RNF41: variants seen among roughly 807,000 people sequenced by gnomAD.
RNF41 encodes ring finger protein 41.
RNF41 carries 4 observed loss-of-function variants against 33.0 expected under a neutral mutation model. That is an observed-to-expected ratio of 0.12 (90% CI 0.06 to 0.28). The LOEUF is 0.28. RNF41 is among the 10% of genes least tolerant of loss of function. RNF41 has a pLI of 1.00. For missense variants in RNF41, 228 were observed against 432.6 expected (o/e 0.53, Z 4.19); for synonymous variants, 164 against 153.2 (o/e 1.07, Z -0.52).
intron 2 of RNF41, among the ~76,000 whole-genome samples, chr12:56,215,589 C>T (rs963257473): frequency 2.6e-5 from 4 of 150,954 alleles, no homozygotes; most frequent in African/African-American, 9.8e-5. Flanking sequence ...CGTGGTGGTG[C>T]GCACCTGTAG....
rs2135793571 is a variant in RNF41, at chr12:56,202,789, C to T, written c.*3658G>A. ...CTACATAAGCCTCCTCATGTTCACTCTAGTGAGTATCTCACAGGGCAGACA... is the reference window on the plus strand; with the variant it reads ...CTACATAAGCCTCCTCATGTTCACTTTAGTGAGTATCTCACAGGGCAGACA... On this transcript the variant is annotated 3_prime_UTR_variant, in exon 7 of 7. Coordinates refer to ENST00000345093, the MANE Select transcript of RNF41 (RefSeq NM_005785.4). The T allele has an allele frequency of 6.6e-6, 1 of 152,328 alleles. No homozygotes were observed. The highest frequency in any genetic ancestry group is 1.9e-4 in the East Asian group (1 of 5,190). 9.4% of individuals were successfully genotyped at this position (152,328 alleles called of 1,614,324 possible).
In RNF41 at chr12:56,206,564, G is replaced by C. The variant is rs371915480; in HGVS notation, c.837C>G (p.Arg279=). 54 of 1,614,068 alleles carry C rather than the reference G, an allele frequency of 3.3e-5. No homozygotes were observed. Among genetic ancestry groups the C allele is most frequent in the Non-Finnish European group, 4.5e-5 (53 of 1,180,044 alleles). Reference sequence around the variant, plus strand: ...CGACAACAGCCTGCTTGCCAGGGATGCGCTTGGCCACGTAGTTCTCATAGT... The same window carrying C: ...CGACAACAGCCTGCTTGCCAGGGATCCGCTTGGCCACGTAGTTCTCATAGT... ...RRYYENYVAK[R]IPGKQAVVVM... is the part of the protein sequence containing the mutation. The change falls in exon 7 of 7, where the codon CGC becomes CGG. Residue 279 remains arginine (R), a synonymous_variant. Coordinates refer to ENST00000345093, the MANE Select transcript of RNF41 (RefSeq NM_005785.4). This position sits in a 1 kb window ranked among gnomAD's most constrained non-coding sequence, Gnocchi z 5.7.
At chr12:56,207,221 C>T in intron 6 of RNF41, 1 of 1,327,908 alleles carries the variant, frequency 7.5e-7, no homozygotes, top group Admixed American at 2.2e-5. Flanking sequence ...TCTTAGACTT[C>T]ACTTGTATAC....
At chr12:56,207,425 G>T (rs1489909358) in intron 6 of RNF41, 16 of 787,660 alleles carry the variant, frequency 2.0e-5, no homozygotes, top group Non-Finnish European at 3.4e-5. Context: ...TGCATCCTTG[G>T]GCAGGCTTTC....
intron 3 of RNF41, among the ~76,000 whole-genome samples, chr12:56,212,294 T>C (rs1157854398): frequency 6.6e-6 from 1 of 152,236 alleles, no homozygotes; most frequent in Non-Finnish European, 1.5e-5. Flanking sequence ...TGTATACCTT[T>C]TGATTTCTGA....
intron 1 of RNF41, among the ~76,000 whole-genome samples, chr12:56,220,463 C>T (rs1007744013): frequency 6.6e-6 from 1 of 151,832 alleles, no homozygotes; most frequent in African/African-American, 2.4e-5. Flanking sequence ...GCAATCCGCC[C>T]GCCTCGTCCT....
intron 1 of RNF41, among the ~76,000 whole-genome samples, chr12:56,217,139 TAAA>T (rs1180669951): frequency 1.6e-3 from 170 of 104,818 alleles, no homozygotes; most frequent in Middle Eastern, 6.7e-3. Context: ...GACTCCGTCT[TAAA>T]AAAAAAAAAA....
In RNF41 at chr12:56,207,669, T is replaced by A; in HGVS notation, c.579A>T (p.Thr193=). The change falls in exon 6 of 7, where the codon ACA becomes ACT. Residue 193 remains threonine, a synonymous_variant. Transcript: ENST00000345093. ...ACTCTAGGATCTCGTTGTATTCAAT[T>A]GTCTCCTCCAGGTTCTGAAGGTTGG... The part of the protein sequence containing the change: ...VNPNLQNLEE[T]IEYNEILEWV... 1 of 1,613,398 alleles carries A rather than the reference T, an allele frequency of 6.2e-7. No individual in the cohort carries two copies.
chr12:56,207,978 G>A (rs1051606591), intron 5 of RNF41, among the ~76,000 whole-genome samples, 185 bp downstream of exon 5: 2 of 152,214 alleles, frequency 1.3e-5, no homozygotes, highest in African/African-American at 4.8e-5. Context: ...TGCTATGAAT[G>A]GGATGAAGAA....
chr12:56,208,498 C>T, intron 4 of RNF41, 200 bp from the exon 5 acceptor site: 2 of 465,436 alleles, frequency 4.3e-6, no homozygotes, highest in Non-Finnish European at 7.6e-6. Flanking sequence ...TGTCTATTTT[C>T]CTTAAATTTC....
Position 56,206,888 on chromosome 12 carries a change from G to A in RNF41, c.603-90C>T, listed in dbSNP as rs1330350331. ...GCTAATAGAAATAACTACCCACTCT[G>A]CACTCAGCTTACCTATTCTTCCTTC... On this transcript the variant is annotated intron_variant, in intron 6 of 6. Transcript: ENST00000345093. The surrounding 1 kb of genome is among the most constrained non-coding windows in gnomAD (Gnocchi z 5.7). The A allele has an allele frequency of 2.4e-5, 24 of 1,017,816 alleles. No homozygotes were observed. Among genetic ancestry groups the A allele is most frequent in the East Asian group, 5.2e-5 (2 of 38,368 alleles). The allele number at this position is 1,017,816 out of a possible 1,614,324, so 63.0% of individuals were successfully genotyped here.
intron 4 of RNF41, chr12:56,208,573 A>AT (rs973048577): frequency 7.9e-5 from 17 of 215,408 alleles, no homozygotes; most frequent in Middle Eastern, 1.7e-3. Context: ...TATTTTTATT[A>AT]TTTTTTTTGA....
chr12:56,210,284 G>C lies in RNF41; in HGVS notation c.362+13C>G. 6.2e-7 allele frequency: 1 copy of C among 1,608,814 alleles called. No homozygotes were observed. The highest frequency in any genetic ancestry group is 1.1e-5 in the South Asian group (1 of 90,944). On this transcript the variant is annotated intron_variant, in intron 4 of 6. Transcript: ENST00000345093. ...GCCCTTATCCATGTGGGGCAGAAGG[G>C]AACAAATCTCACCCACAGCCCTGTT... is the stretch of plus-strand genomic sequence containing the variant.
chr12:56,208,528 G>A (rs1868322127), intron 4 of RNF41: 1 of 382,236 alleles, frequency 2.6e-6, no homozygotes. Context: ...TCAAGACACA[G>A]TGTTTTATCT....
At chr12:56,214,213 G>C in intron 2 of RNF41, 143 bp from the exon 3 acceptor site, 1 of 610,594 alleles carries the variant, frequency 1.6e-6, no homozygotes, top group Non-Finnish European at 2.9e-6. Flanking sequence ...TGGCTCGGTG[G>C]AAGCTGACTC....
At chr12:56,219,198 T>A (rs1303069295) in intron 1 of RNF41, among the ~76,000 whole-genome samples, 1 of 146,350 alleles carries the variant, frequency 6.8e-6, no homozygotes, top group African/African-American at 2.5e-5. Context: ...TTTATTTATT[T>A]ATTTTTTTTT....
At chr12:56,209,112 G>A (rs773661) in intron 4 of RNF41, among the ~76,000 whole-genome samples, 128,072 of 151,372 alleles carry the variant, frequency 0.85, 58,191 homozygotes, top group South Asian at 1. Context: ...TGATCCGCCC[G>A]CCTCGTCCTC....
chr12:56,213,908 G>C (rs992429983), intron 3 of RNF41, 50 bp downstream of exon 3: 3 of 1,171,130 alleles, frequency 2.6e-6, no homozygotes, highest in Non-Finnish European at 2.6e-6. Flanking sequence ...TTTTCTACTA[G>C]TTCCACTGCT....
chr12:56,219,668 T>C (rs200340047), intron 1 of RNF41, among the ~76,000 whole-genome samples: 1 of 150,452 alleles, frequency 6.6e-6, no homozygotes, highest in African/African-American at 2.4e-5. Flanking sequence ...TATATGTGTA[T>C]ATACACGCGC....
Sources: allele counts gnomAD v4.1 joint callset (sites outside exome capture counted in the v4.1 genomes callset), GRCh38; gene constraint gnomAD v4.1.1; non-coding constraint Gnocchi (gnomAD v3.1); transcripts MANE v1.5; gene names NCBI Gene and HGNC (gene_info 2026-07-23, HGNC 2026-07-21).